The following SLCO6A1 variants were observed in gnomAD, a reference collection of about 807,000 sequenced individuals.
SLCO6A1 encodes the protein cancer/testis antigen 48.
In SLCO6A1, 65 loss-of-function variants were observed where a neutral mutation model predicts 72.7. The ratio of observed to expected loss-of-function variants is 0.89; its 90% CI spans 0.73 to 1.10. The LOEUF (loss-of-function observed/expected upper bound fraction) is 1.10. Ranked by LOEUF, SLCO6A1 falls within the 50% of genes least tolerant of loss-of-function variation. SLCO6A1 has a pLI of 0.00. For missense variants in SLCO6A1, 874 were observed against 872.6 expected (o/e 1.00, Z -0.02); for synonymous variants, 314 against 298.2 (o/e 1.05, Z -0.55).
chr5:102,475,798 A>G lies in SLCO6A1; in HGVS notation c.803-5T>C. On this transcript the variant is annotated splice_polypyrimidine_tract_variant and splice_region_variant and intron_variant, in intron 3 of 13. Transcript: ENST00000506729. ...TTGATGTACATTCTGCAATACCTGTAAAATAAGCACTGAAACTGAACATCA... is the reference window on the plus strand; with the variant it reads ...TTGATGTACATTCTGCAATACCTGTGAAATAAGCACTGAAACTGAACATCA... 1.3e-6 allele frequency: 2 copies of G among 1,588,414 alleles called. No individual in the cohort carries two copies. Among genetic ancestry groups the G allele is most frequent in the Non-Finnish European group, 1.7e-6 (2 of 1,166,026 alleles).
chr5:102,432,985 T>G (rs1749301844), intron 7 of SLCO6A1, among the ~76,000 whole-genome samples: 1 of 152,228 alleles, frequency 6.6e-6, no homozygotes, highest in Non-Finnish European at 1.5e-5. Context: ...TTCTTTTCTC[T>G]TTCATGTTTT....
chr5:102,437,627 C>CT (rs1749614396), intron 7 of SLCO6A1, among the ~76,000 whole-genome samples: 2 of 152,050 alleles, frequency 1.3e-5, no homozygotes, highest in Non-Finnish European at 2.9e-5. Flanking sequence ...TCTATTTTGG[C>CT]TTTTTGGATA....
chr5:102,443,107 GA>G (rs377731678), intron 6 of SLCO6A1, among the ~76,000 whole-genome samples: 307 of 152,266 alleles, frequency 2.0e-3, no homozygotes, highest in African/African-American at 7.2e-3. Context: ...TGAGGCAGGA[GA>G]ATGGCGTGAA....
intron 7 of SLCO6A1, among the ~76,000 whole-genome samples, chr5:102,430,308 C>T (rs1370384344): frequency 6.6e-6 from 1 of 152,042 alleles, no homozygotes; most frequent in Non-Finnish European, 1.5e-5. Flanking sequence ...TTTCTCTTGT[C>T]TGATTGTTCT....
Position 102,373,218 on chromosome 5 carries a change from T to C in SLCO6A1, c.*15+119A>G, listed in dbSNP as rs907009155. On this transcript the variant is annotated intron_variant, in intron 13 of 13. Transcript: ENST00000506729. ...TATTATTATATTTGCACTCAAAATATAATAAAATATATAGAATTATATGAA... is the reference window on the plus strand; with the variant it reads ...TATTATTATATTTGCACTCAAAATACAATAAAATATATAGAATTATATGAA... The C allele has an allele frequency of 1.3e-5, 8 of 601,388 alleles. No homozygotes were observed. The African/African-American group carries it at 1.4e-4, about 10-fold the overall frequency. 37.3% of individuals were successfully genotyped at this position (601,388 alleles called of 1,614,324 possible).
At chr5:102,493,591 T>C (rs1752781967) in intron 1 of SLCO6A1, among the ~76,000 whole-genome samples, 1 of 152,180 alleles carries the variant, frequency 6.6e-6, no homozygotes, top group African/African-American at 2.4e-5. Flanking sequence ...AAAATATCAA[T>C]GAACATTGCT....
chr5:102,422,288 GAAGT>G (rs984882775), intron 7 of SLCO6A1, among the ~76,000 whole-genome samples: 5 of 152,188 alleles, frequency 3.3e-5, no homozygotes, highest in Admixed American at 6.5e-5. Context: ...CAAATTGACA[GAAGT>G]AAGCTTCAGA....
chr5:102,490,116 G>C (rs553299925), intron 1 of SLCO6A1, among the ~76,000 whole-genome samples: 35 of 152,274 alleles, frequency 2.3e-4, no homozygotes, highest in Non-Finnish European at 4.3e-4. Flanking sequence ...ACAGAGGTTG[G>C]TCAATGAGTA....
chr5:102,386,640 G>A (rs1452254899), intron 12 of SLCO6A1, among the ~76,000 whole-genome samples: 3 of 152,148 alleles, frequency 2.0e-5, no homozygotes, highest in Non-Finnish European at 4.4e-5. Flanking sequence ...AGGGCTGCAG[G>A]TGCTGGCCTG....
At chr5:102,460,752 C>T (rs1476334549) in intron 4 of SLCO6A1, among the ~76,000 whole-genome samples, 2 of 151,848 alleles carry the variant, frequency 1.3e-5, no homozygotes, top group African/African-American at 4.8e-5. Flanking sequence ...CAACTTCTTA[C>T]AGACCTTGTT....
intron 11 of SLCO6A1, among the ~76,000 whole-genome samples, chr5:102,389,986 C>T (rs2112516713): frequency 6.6e-6 from 1 of 152,248 alleles, no homozygotes; most frequent in Admixed American, 6.5e-5. Flanking sequence ...GCCATCCTCC[C>T]TCCTCACTCA....
chr5:102,432,212 T>C (rs924949067), intron 7 of SLCO6A1, among the ~76,000 whole-genome samples: 19 of 152,308 alleles, frequency 1.2e-4, no homozygotes, highest in Non-Finnish European at 1.5e-4. Flanking sequence ...TGTCTTTTCA[T>C]TGGGGCATTT....
In SLCO6A1 at chr5:102,458,465, G is replaced by A. The variant is rs773104457; in HGVS notation, c.1048C>T (p.Arg350Cys). The A allele has an allele frequency of 3.1e-5, 50 of 1,612,234 alleles. No homozygotes were observed. The highest frequency in any genetic ancestry group is 8.0e-5 in the African/African-American group (6 of 74,828). Residue 350 changes from arginine to cysteine, a missense_variant, in exon 6 of 14, where the codon CGT becomes TGT. By Grantham distance (180) the Arg-to-Cys change is radical. Transcript: ENST00000506729. The part of the protein sequence containing the change: ...PGSTRIKARK[R>C]KQLHFFDSRL... ...CTGTCAAAAAAATGAAGCTGTTTAC[G>A]TTTCCTAGCTTTTATCCGTGTTGAA...
chr5:102,478,389 G>A (rs769620185), intron 2 of SLCO6A1, among the ~76,000 whole-genome samples: 13 of 152,178 alleles, frequency 8.5e-5, no homozygotes, highest in East Asian at 3.9e-4. Context: ...GATTATCTGC[G>A]TTATCAAAGA....
Position 102,391,015 on chromosome 5 carries a change from G to A in SLCO6A1, c.1845C>T (p.Ala615=). The part of the protein sequence containing the change: ...RVVPDKLRSL[A]LGVSYVILRI... ...TCAAAATCACATAGCTTACACCCAAGGCCAGAGAACGCAGTTTGTCAGGTA... is the reference window on the plus strand; with the variant it reads ...TCAAAATCACATAGCTTACACCCAAAGCCAGAGAACGCAGTTTGTCAGGTA... Residue 615 remains alanine, a synonymous_variant, in exon 11 of 14, where the codon GCC becomes GCT. Coordinates refer to ENST00000506729, the MANE Select transcript of SLCO6A1 (RefSeq NM_173488.5). The A allele has an allele frequency of 6.2e-7, 1 of 1,613,498 alleles. No individual in the cohort carries two copies.
intron 7 of SLCO6A1, among the ~76,000 whole-genome samples, chr5:102,430,652 T>C (rs1426478291): frequency 6.6e-6 from 1 of 152,198 alleles, no homozygotes; most frequent in Admixed American, 6.5e-5. Flanking sequence ...TAAAACCTAC[T>C]TGATCATGGT....
intron 12 of SLCO6A1, among the ~76,000 whole-genome samples, chr5:102,380,299 C>T (rs1746038777): frequency 6.6e-6 from 1 of 152,002 alleles, no homozygotes; most frequent in South Asian, 2.1e-4. Context: ...CTTATCTACT[C>T]TACTGCAAAT....
chr5:102,440,067 T>C (rs1317592363), intron 6 of SLCO6A1, among the ~76,000 whole-genome samples: 1 of 152,194 alleles, frequency 6.6e-6, no homozygotes, highest in Non-Finnish European at 1.5e-5. Flanking sequence ...TCAGAACTTT[T>C]GCCTTGGGAC....
At chr5:102,494,520 A>G (rs1752822535) in intron 1 of SLCO6A1, among the ~76,000 whole-genome samples, 1 of 152,212 alleles carries the variant, frequency 6.6e-6, no homozygotes, top group African/African-American at 2.4e-5. Flanking sequence ...ATATTAGTAA[A>G]TATTTATTCA....
Sources: allele counts gnomAD v4.1 joint callset (sites outside exome capture counted in the v4.1 genomes callset), GRCh38; gene constraint gnomAD v4.1.1; transcripts MANE v1.5; gene names NCBI Gene and HGNC (gene_info 2026-07-23, HGNC 2026-07-21).